Variants in PLCB4 observed in about 807,000 individuals in gnomAD.
The protein encoded by PLCB4 is phospholipase C beta 4, also known as 1-phosphatidylinositol 4,5-bisphosphate phosphodiesterase beta-4.
Under a neutral mutation model 178.8 loss-of-function variants are expected in PLCB4, and 77 were observed. That is an observed-to-expected ratio of 0.43 (90% confidence interval 0.36 to 0.52). The LOEUF (loss-of-function observed/expected upper bound fraction) is 0.52, where lower values mean the gene tolerates loss of function less well. Ranked by LOEUF, PLCB4 falls within the 20% of genes least tolerant of loss-of-function variation. PLCB4 has a pLI of 0.00. For missense variants in PLCB4, 1,024 were observed against 1,453.4 expected (o/e 0.70, Z 4.80); for synonymous variants, 496 against 490.8 (o/e 1.01, Z -0.14).
At chr20:9,317,377 C>G (rs1188519617) in intron 4 of PLCB4, among the ~76,000 whole-genome samples, 2 of 152,108 alleles carry the variant, frequency 1.3e-5, no homozygotes, top group Non-Finnish European at 2.9e-5. Context: ...CTAAGATGCT[C>G]TCATTTTTGT....
intron 2 of PLCB4, among the ~76,000 whole-genome samples, chr20:9,136,012 C>T (rs2092374424): frequency 2.0e-5 from 3 of 152,134 alleles, no homozygotes; most frequent in Admixed American, 2.0e-4. Flanking sequence ...CAGAGCTAGT[C>T]TGAAGCCAAG....
intron 9 of PLCB4, among the ~76,000 whole-genome samples, chr20:9,369,547 C>T (rs1313895232): frequency 2.0e-5 from 3 of 152,134 alleles, no homozygotes; most frequent in Admixed American, 6.5e-5. Flanking sequence ...TATTCTCTCC[C>T]ATATTTGTAG....
At chr20:9,129,075 A>G (rs537220623) in intron 2 of PLCB4, among the ~76,000 whole-genome samples, 4 of 152,286 alleles carry the variant, frequency 2.6e-5, no homozygotes, top group South Asian at 2.1e-4. Context: ...TCATCCATCA[A>G]TGGACACTTG....
chr20:9,215,004 G>A (rs138745655), intron 2 of PLCB4, among the ~76,000 whole-genome samples: 1 of 152,096 alleles, frequency 6.6e-6, no homozygotes, highest in Non-Finnish European at 1.5e-5. Context: ...GGCAGCAAGT[G>A]GTTTCTCAAA....
Position 9,289,079 on chromosome 20 carries a change from T to C in PLCB4, c.-15-18721T>C, listed in dbSNP as rs777459971. ...TCAATTTAACTTATTATCCATGCAA[T>C]TGTCATACTTGAATCTTATCTCTTT... On this transcript the variant is annotated intron_variant, in intron 3 of 39. Coordinates refer to ENST00000378473, the MANE Select transcript of PLCB4 (RefSeq NM_001377142.1). Among the ~76,000 whole-genome samples the C allele has an allele frequency of 2.0e-5, 3 of 152,250 alleles. No individual in the cohort carries two copies. In the East Asian group the frequency reaches 5.8e-4, roughly 30 times the overall value.
chr20:9,406,251 C>T (rs1405313906), intron 21 of PLCB4, among the ~76,000 whole-genome samples: 2 of 152,158 alleles, frequency 1.3e-5, no homozygotes, highest in Non-Finnish European at 2.9e-5. Context: ...TGCAAGAACT[C>T]ATCCTGGTGC....
intron 2 of PLCB4, among the ~76,000 whole-genome samples, chr20:9,208,978 A>G (rs1298623305): frequency 6.6e-6 from 1 of 152,238 alleles, no homozygotes; most frequent in Non-Finnish European, 1.5e-5. Flanking sequence ...TAATTAAAAC[A>G]TTTTGGCCCA....
rs1268050811 is a variant in PLCB4 at position 9,401,704 on chromosome 20, T to G, written c.1611+114T>G. ...GTAACCTATAATTCCCCTTCTAAAT[T>G]GCTTAGGATACGAGTCTGTGCTGGG... On this transcript the variant is annotated intron_variant, in intron 20 of 39. Coordinates refer to ENST00000378473, the MANE Select transcript of PLCB4 (RefSeq NM_001377142.1). 1.0e-5 allele frequency: 7 copies of G among 694,856 alleles called. No individual in the cohort carries two copies. The African/African-American group carries it at 1.3e-4, about 12-fold the overall frequency. The allele number at this position is 694,856 out of a possible 1,614,324, so 43.0% of individuals were successfully genotyped here. A position where few individuals can be genotyped will look rare whatever the true frequency, so the allele number is the denominator to read the frequency against.
intron 2 of PLCB4, among the ~76,000 whole-genome samples, chr20:9,154,897 CTCCTTCCCTCCTTCCT>C (rs2092757402): frequency 1.1e-5 from 1 of 94,600 alleles, no homozygotes; most frequent in Non-Finnish European, 2.2e-5. Context: ...CCCTCCTTCC[CTCCTTCCCTCCTTCCT>C]TCCTTCCTTC....
intron 25 of PLCB4, among the ~76,000 whole-genome samples, chr20:9,417,673 GTTC>G (rs1276019973): frequency 6.6e-6 from 1 of 152,136 alleles, no homozygotes; most frequent in Non-Finnish European, 1.5e-5. Context: ...TCATATGCAA[GTTC>G]TTCTATGAAT....
chr20:9,452,617 A>C (rs1485364788), intron 32 of PLCB4, among the ~76,000 whole-genome samples: 1 of 152,200 alleles, frequency 6.6e-6, no homozygotes, highest in Non-Finnish European at 1.5e-5. Flanking sequence ...CCAGGAAGAA[A>C]TAATGTTTAT....
intron 12 of PLCB4, among the ~76,000 whole-genome samples, chr20:9,374,434 C>A (rs1345760346): frequency 4.6e-5 from 7 of 152,140 alleles, no homozygotes; most frequent in Non-Finnish European, 1.0e-4. Flanking sequence ...CCTTCCCCTT[C>A]TTCTGCCTTT....
intron 3 of PLCB4, among the ~76,000 whole-genome samples, chr20:9,243,478 C>T (rs1309044386): frequency 6.6e-6 from 1 of 152,148 alleles, no homozygotes; most frequent in East Asian, 1.9e-4. Context: ...GGATTGCATC[C>T]AGCCAATACT....
At chr20:9,335,553 A>T (rs535475901) in intron 4 of PLCB4, among the ~76,000 whole-genome samples, 3 of 152,318 alleles carry the variant, frequency 2.0e-5, no homozygotes, top group African/African-American at 7.2e-5. Flanking sequence ...TACCACTATT[A>T]CAAGTCTGAA....
chr20:9,346,470 A>T (rs2033805261), intron 7 of PLCB4, among the ~76,000 whole-genome samples: 1 of 152,062 alleles, frequency 6.6e-6, no homozygotes, highest in Non-Finnish European at 1.5e-5. Flanking sequence ...GATCACCCAA[A>T]CCCCAGTATA....
intron 2 of PLCB4, among the ~76,000 whole-genome samples, chr20:9,127,656 A>G (rs2092153528): frequency 2.0e-5 from 3 of 150,484 alleles, no homozygotes; most frequent in African/African-American, 4.9e-5. Context: ...CTATCTATCT[A>G]TCTATCTATC....
rs1253708121 is a variant in PLCB4 at position 9,080,767 on chromosome 20, G to A, written c.-135+11561G>A. 3.9e-5 allele frequency among the ~76,000 whole-genome samples: 6 copies of A among 152,006 alleles called. No individual in the cohort carries two copies. The South Asian group carries it at 6.2e-4, about 16-fold the overall frequency. Reference sequence around the variant, plus strand: ...ACTCCCCTATCACTGACCTCTTGTCGGAGCTCCAGATATATCCTGTTGTCT... The same window carrying A: ...ACTCCCCTATCACTGACCTCTTGTCAGAGCTCCAGATATATCCTGTTGTCT... On this transcript the variant is annotated intron_variant, in intron 1 of 39. Coordinates refer to ENST00000378473, the MANE Select transcript of PLCB4 (RefSeq NM_001377142.1).
chr20:9,214,839 G>A (rs964133620), intron 2 of PLCB4, among the ~76,000 whole-genome samples: 10 of 152,056 alleles, frequency 6.6e-5, no homozygotes, highest in African/African-American at 2.4e-4. Context: ...TTTCAACATT[G>A]CCTTCCCCAC....
At chr20:9,428,269 C>T (rs1346826314) in intron 28 of PLCB4, among the ~76,000 whole-genome samples, 1 of 152,084 alleles carries the variant, frequency 6.6e-6, no homozygotes, top group Admixed American at 6.5e-5. Flanking sequence ...GTTGAAAAAC[C>T]CAGTTGCATA....
Sources: allele counts gnomAD v4.1 joint callset (sites outside exome capture counted in the v4.1 genomes callset), GRCh38; gene constraint gnomAD v4.1.1; transcripts MANE v1.5; gene names NCBI Gene and HGNC (gene_info 2026-07-23, HGNC 2026-07-21).